The following ROR2 variants were observed in gnomAD, a reference collection of about 807,000 sequenced individuals.
ROR2 encodes the protein tyrosine-protein kinase transmembrane receptor ROR2.
In ROR2, 33 loss-of-function variants were observed where a neutral mutation model predicts 74.9. That is an observed-to-expected ratio of 0.44 (90% CI 0.33 to 0.59). The LOEUF is 0.59. Among genes scored for constraint, ROR2 ranks in the 20% least tolerant of loss-of-function variants. The pLI is 0.02. For synonymous variants in ROR2, 586 were observed against 558.7 expected, an observed-to-expected ratio of 1.05 and a Z score of -0.69; for missense variants, 1,216 against 1,313.8, an observed-to-expected ratio of 0.93 and a Z score of 1.15.
In ROR2 at chr9:91,733,405, G is replaced by C. The variant is rs756543109; in HGVS notation, c.654C>G (p.His218Gln). Residue 218 changes from histidine to glutamine, a missense_variant, in exon 6 of 9, where the codon CAC becomes CAG. Physicochemically the swap from His to Gln is conservative, Grantham distance 24. Coordinates refer to ENST00000375708, the MANE Select transcript of ROR2 (RefSeq NM_004560.4). The surrounding 1 kb of genome is among the most constrained non-coding windows in gnomAD (Gnocchi z 5.7). ...CGAACTGTGAGCACTGGTCCGACAGGTGCGTAGACGTGCCGATCATGGTGA... is the reference window on the plus strand; with the variant it reads ...CGAACTGTGAGCACTGGTCCGACAGCTGCGTAGACGTGCCGATCATGGTGA... ...AAFTMIGTST[H>Q]LSDQCSQFAI... 5 of 1,611,512 alleles carry C rather than the reference G, an allele frequency of 3.1e-6. No individual in the cohort carries two copies. The highest frequency in any genetic ancestry group is 4.2e-6 in the Non-Finnish European group (5 of 1,179,708).
intron 1 of ROR2, among the ~76,000 whole-genome samples, chr9:91,928,783 A>G (rs1333289790): frequency 2.0e-5 from 3 of 152,236 alleles, no homozygotes. Flanking sequence ...GAAGAACCCC[A>G]TGATAGTAAG....
intron 1 of ROR2, among the ~76,000 whole-genome samples, chr9:91,780,385 ATG>A (rs67356709): frequency 0.063 from 9,453 of 149,960 alleles, 522 homozygotes; most frequent in Admixed American, 0.16. Context: ...TAAAAAAAAA[ATG>A]AAAGAAAGAA....
At chr9:91,764,515 C>T (rs1441389805) in intron 2 of ROR2, among the ~76,000 whole-genome samples, 1 of 151,076 alleles carries the variant, frequency 6.6e-6, no homozygotes, top group Non-Finnish European at 1.5e-5. Flanking sequence ...TTAGCAAAGT[C>T]CCCCAATTAC....
intron 1 of ROR2, among the ~76,000 whole-genome samples, chr9:91,888,935 C>G (rs969246572): frequency 2.6e-5 from 4 of 151,894 alleles, no homozygotes; most frequent in African/African-American, 9.7e-5. Flanking sequence ...ATGTTTATGG[C>G]TCTTCCATTT....
chr9:91,733,483 C>T lies in ROR2; in HGVS notation c.623-47G>A. On this transcript the variant is annotated intron_variant, in intron 5 of 8. Coordinates refer to ENST00000375708, the MANE Select transcript of ROR2 (RefSeq NM_004560.4). This position sits in a 1 kb window ranked among gnomAD's most constrained non-coding sequence, Gnocchi z 5.7. ...CGTTAGCGGGGGACCCACCTTGCGC[C>T]CTTGACATTCATCCAGTCCCCACCC... 6.4e-7 allele frequency: 1 copy of T among 1,571,038 alleles called. No individual in the cohort carries two copies. Among genetic ancestry groups the T allele is most frequent in the Non-Finnish European group, 8.6e-7 (1 of 1,161,548 alleles).
chr9:91,912,079 G>A (rs780533807), intron 1 of ROR2, among the ~76,000 whole-genome samples: 4 of 152,082 alleles, frequency 2.6e-5, no homozygotes, highest in African/African-American at 4.8e-5. Flanking sequence ...TAGAAAAACA[G>A]GTGAACTAAA....
chr9:91,848,239 T>G (rs1346406106), intron 1 of ROR2, among the ~76,000 whole-genome samples: 1 of 152,212 alleles, frequency 6.6e-6, no homozygotes, highest in African/African-American at 2.4e-5. Flanking sequence ...TTCCTGCGAA[T>G]CCCCTACCTT....
intron 1 of ROR2, among the ~76,000 whole-genome samples, chr9:91,908,357 C>G (rs1208069875): frequency 1.3e-5 from 2 of 152,238 alleles, no homozygotes; most frequent in African/African-American, 4.8e-5. Context: ...CCATGCAACT[C>G]AGAAGGCCTT....
At chr9:91,804,661 G>A (rs1221171276) in intron 1 of ROR2, among the ~76,000 whole-genome samples, 2 of 152,150 alleles carry the variant, frequency 1.3e-5, no homozygotes, top group East Asian at 1.9e-4. Flanking sequence ...CTCCTGCCCA[G>A]GGCTAATTCC....
chr9:91,944,190 T>C (rs1422352712), intron 1 of ROR2, among the ~76,000 whole-genome samples: 1 of 152,212 alleles, frequency 6.6e-6, no homozygotes, highest in Non-Finnish European at 1.5e-5. Flanking sequence ...CTATACAGCA[T>C]GTGGCTGTAC....
intron 1 of ROR2, among the ~76,000 whole-genome samples, chr9:91,927,562 C>A (rs201626281): frequency 3.2e-5 from 3 of 94,946 alleles, no homozygotes; most frequent in African/African-American, 8.8e-5. Flanking sequence ...TTTCTAGATT[C>A]TTTTTTTTTT....
intron 1 of ROR2, among the ~76,000 whole-genome samples, chr9:91,850,777 G>A (rs1829066557): frequency 6.6e-6 from 1 of 152,256 alleles, no homozygotes; most frequent in South Asian, 2.1e-4. Context: ...TATTTTTTGA[G>A]AATCCCTTTA....
At chr9:91,807,281 G>A (rs890207164) in intron 1 of ROR2, among the ~76,000 whole-genome samples, 26 of 152,200 alleles carry the variant, frequency 1.7e-4, no homozygotes, top group Admixed American at 1.7e-3. Flanking sequence ...CCTGAGAGAT[G>A]AACACGTGGA....
chr9:91,914,810 G>A (rs1831087866), intron 1 of ROR2, among the ~76,000 whole-genome samples: 1 of 152,112 alleles, frequency 6.6e-6, no homozygotes, highest in Admixed American at 6.5e-5. Flanking sequence ...CTGAGCACCT[G>A]AACAGGAGCA....
intron 4 of ROR2, among the ~76,000 whole-genome samples, chr9:91,740,556 G>A (rs4604505): frequency 7.0e-6 from 1 of 142,086 alleles, no homozygotes; most frequent in Non-Finnish European, 1.5e-5. Context: ...TGTTTCGGGC[G>A]GGGGGGGGAA....
chr9:91,873,890 C>T (rs778678260), intron 1 of ROR2, among the ~76,000 whole-genome samples: 12 of 152,152 alleles, frequency 7.9e-5, no homozygotes, highest in Non-Finnish European at 1.8e-4. Flanking sequence ...TGTAAATTAC[C>T]TTTGACAAAT....
chr9:91,809,013 A>T (rs1475908814), intron 1 of ROR2, among the ~76,000 whole-genome samples: 2 of 151,910 alleles, frequency 1.3e-5, no homozygotes, highest in Non-Finnish European at 2.9e-5. Context: ...AAAAAAAAAA[A>T]AGTGTGAAGT....
intron 1 of ROR2, among the ~76,000 whole-genome samples, chr9:91,796,009 C>T (rs1360426016): frequency 1.3e-5 from 2 of 152,176 alleles, no homozygotes; most frequent in African/African-American, 2.4e-5. Flanking sequence ...GTGGCACTCC[C>T]AGGCAAAGAT....
chr9:91,839,392 G>A (rs1178906377), intron 1 of ROR2, among the ~76,000 whole-genome samples: 3 of 151,526 alleles, frequency 2.0e-5, no homozygotes, highest in Non-Finnish European at 2.9e-5. Context: ...TGTATGTGGT[G>A]TGTGTTGTGA....
Sources: allele counts gnomAD v4.1 joint callset (sites outside exome capture counted in the v4.1 genomes callset), GRCh38; gene constraint gnomAD v4.1.1; non-coding constraint Gnocchi (gnomAD v3.1); transcripts MANE v1.5; gene names NCBI Gene and HGNC (gene_info 2026-07-23, HGNC 2026-07-21).